Variants in SCNN1B observed in about 807,000 individuals in gnomAD.
SCNN1B encodes epithelial sodium channel subunit beta.
Under a neutral mutation model 65.3 loss-of-function variants are expected in SCNN1B, and 46 were observed. The ratio of observed to expected loss-of-function variants is 0.70; its 90% confidence interval spans 0.56 to 0.90. SCNN1B has a LOEUF of 0.90. Among genes scored for constraint, SCNN1B ranks in the 40% least tolerant of loss-of-function variants. SCNN1B has a pLI of 0.00. For synonymous variants in SCNN1B, 349 were observed against 330.6 expected, an observed-to-expected ratio of 1.06 and a Z score of -0.60; for missense variants, 751 against 830.5, an observed-to-expected ratio of 0.90 and a Z score of 1.18.
intron 4 of SCNN1B, among the ~76,000 whole-genome samples, chr16:23,363,697 C>T (rs1962595800): frequency 6.6e-6 from 1 of 151,874 alleles, no homozygotes; most frequent in East Asian, 1.9e-4. Context: ...GCCTGTAGTC[C>T]CAGCTACTCA....
chr16:23,317,016 G>T (rs117286222), intron 1 of SCNN1B, among the ~76,000 whole-genome samples: 1 of 152,202 alleles, frequency 6.6e-6, no homozygotes, highest in Admixed American at 6.6e-5. Context: ...CCCACAGATG[G>T]GGTAACAGAC....
chr16:23,291,366 C>A (rs2141970569), intron 2 of SCNN1B, among the ~76,000 whole-genome samples: 1 of 151,758 alleles, frequency 6.6e-6, no homozygotes. Flanking sequence ...CCCAGCCCAA[C>A]CACATATTTA....
intron 11 of SCNN1B, among the ~76,000 whole-genome samples, chr16:23,379,082 C>G (rs1303521307): frequency 6.7e-6 from 1 of 149,932 alleles, no homozygotes; most frequent in Non-Finnish European, 1.5e-5. Flanking sequence ...CCCACCCAGC[C>G]ATCCTCCACC....
At position 23,380,272 on chromosome 16, in the gene SCNN1B, T is replaced by C; in HGVS notation, c.1542+103T>C. On this transcript the variant is annotated intron_variant, in intron 12 of 12. Coordinates refer to ENST00000343070, the MANE Select transcript of SCNN1B (RefSeq NM_000336.3). The surrounding 1 kb of genome is among the most constrained non-coding windows in gnomAD (Gnocchi z 5.4). ...GAGCCCTATGAAGGAATTAGGAAGATCCCTAAGACAGTCCCAAGTTATTCC... is the reference window on the plus strand; with the variant it reads ...GAGCCCTATGAAGGAATTAGGAAGACCCCTAAGACAGTCCCAAGTTATTCC... The C allele has an allele frequency of 2.0e-6, 3 of 1,493,876 alleles. No homozygotes were observed. The highest frequency in any genetic ancestry group is 2.8e-6 in the Non-Finnish European group (3 of 1,072,470). 92.5% of individuals were successfully genotyped at this position (1,493,876 alleles called of 1,614,324 possible).
intron 7 of SCNN1B, among the ~76,000 whole-genome samples, chr16:23,374,134 G>A (rs1323554752): frequency 1.3e-5 from 2 of 152,160 alleles, no homozygotes; most frequent in African/African-American, 4.8e-5. Flanking sequence ...GGGCGTGGTG[G>A]TGCATGCCTA....
chr16:23,337,063 A>AT (rs925805766), intron 1 of SCNN1B, among the ~76,000 whole-genome samples: 7 of 152,056 alleles, frequency 4.6e-5, no homozygotes, highest in Non-Finnish European at 7.4e-5. Flanking sequence ...TTATTTATTA[A>AT]TTTTTTAGAC....
At chr16:23,358,812 C>CA (rs1962473551) in intron 4 of SCNN1B, among the ~76,000 whole-genome samples, 1 of 152,218 alleles carries the variant, frequency 6.6e-6, no homozygotes, top group African/African-American at 2.4e-5. Flanking sequence ...GTGACCGAGG[C>CA]ACGAGAATCA....
At chr16:23,334,744 C>G (rs13336504) in intron 1 of SCNN1B, among the ~76,000 whole-genome samples, 1 of 152,264 alleles carries the variant, frequency 6.6e-6, no homozygotes, top group South Asian at 2.1e-4. Context: ...ACTGTGCACA[C>G]GTGTGTGCAT....
chr16:23,365,603 A>AGAGAGAGAG (rs1567313722), intron 4 of SCNN1B, among the ~76,000 whole-genome samples: 2 of 93,688 alleles, frequency 2.1e-5, no homozygotes, highest in African/African-American at 3.8e-5. Flanking sequence ...GAAAGAAAGA[A>AGAGAGAGAG]AGAAAGAAAG....
intron 6 of SCNN1B, 96 bp downstream of exon 6, chr16:23,371,558 G>C: frequency 1.5e-6 from 2 of 1,328,524 alleles, no homozygotes; most frequent in Non-Finnish European, 2.1e-6. Context: ...AGGGGATCTG[G>C]GCCCCCCAGC....
At chr16:23,337,377 T>TC (rs1262966194) in intron 1 of SCNN1B, among the ~76,000 whole-genome samples, 3 of 148,958 alleles carry the variant, frequency 2.0e-5, no homozygotes, top group Non-Finnish European at 3.0e-5. Flanking sequence ...TTTCTTTCTT[T>TC]TTTTTTTTTT....
chr16:23,311,272 A>G (rs1022637878), intron 1 of SCNN1B, among the ~76,000 whole-genome samples: 4 of 152,206 alleles, frequency 2.6e-5, no homozygotes, highest in African/African-American at 9.6e-5. Context: ...TTCAGGACCA[A>G]TGTAGGCCAC....
upstream of SCNN1B, among the ~76,000 whole-genome samples, chr16:23,300,448 A>G (rs1031409609): frequency 3.3e-5 from 5 of 152,202 alleles, no homozygotes; most frequent in Non-Finnish European, 7.3e-5. Flanking sequence ...AGCCGACTGA[A>G]TACGAGAATC....
At chr16:23,296,772 C>G (rs901350046) in intron 2 of SCNN1B, among the ~76,000 whole-genome samples, 1 of 151,990 alleles carries the variant, frequency 6.6e-6, no homozygotes, top group East Asian at 1.9e-4. Flanking sequence ...GAGGCCAAGG[C>G]GGGCAGATCA....
intron 4 of SCNN1B, among the ~76,000 whole-genome samples, chr16:23,366,770 C>T (rs1318021660): frequency 2.0e-5 from 3 of 152,182 alleles, no homozygotes; most frequent in Non-Finnish European, 2.9e-5. Context: ...GTGATCCTCC[C>T]ACTTTGGCCT....
At chr16:23,357,884 A>G (rs1212576038) in intron 4 of SCNN1B, among the ~76,000 whole-genome samples, 1 of 152,224 alleles carries the variant, frequency 6.6e-6, no homozygotes, top group Non-Finnish European at 1.5e-5. Flanking sequence ...TAGGGATACC[A>G]AACAGACTAC....
At chr16:23,324,129 C>G (rs1252605646) in intron 1 of SCNN1B, among the ~76,000 whole-genome samples, 1 of 151,978 alleles carries the variant, frequency 6.6e-6, no homozygotes, top group African/African-American at 2.4e-5. Context: ...CACACAGCCA[C>G]CCAGCCAGTA....
At chr16:23,300,560 G>C (rs1299109695), upstream of SCNN1B, among the ~76,000 whole-genome samples, 1 of 152,030 alleles carries the variant, frequency 6.6e-6, no homozygotes, top group Non-Finnish European at 1.5e-5. Context: ...TTTCAGCCAG[G>C]CATGATGGCT....
rs79420720 is a variant in SCNN1B, at chr16:23,278,579, G to T, written n.110+239G>T. Among the ~76,000 whole-genome samples the T allele has an allele frequency of 9.6e-3, 1,465 of 152,066 alleles. 21 individuals are homozygous for T. The highest frequency in any genetic ancestry group is 0.033 in the African/African-American group (1,382 of 41,472). ...GGGGGTAGTGGGAGACGGGAGGGGG[G>T]TAACTGCTTAATGAGTATGGGGTTT... On this transcript the variant is annotated intron_variant and non_coding_transcript_variant, in intron 1 of 3. Transcript: ENST00000569789.
Sources: allele counts gnomAD v4.1 joint callset (sites outside exome capture counted in the v4.1 genomes callset), GRCh38; gene constraint gnomAD v4.1.1; non-coding constraint Gnocchi (gnomAD v3.1); transcripts MANE v1.5; gene names NCBI Gene and HGNC (gene_info 2026-07-23, HGNC 2026-07-21).